Variants in STK32B observed in about 807,000 individuals in gnomAD.
STK32B encodes the protein serine/threonine-protein kinase 32B.
A neutral mutation model predicts 52.6 loss-of-function variants in STK32B; 43 were observed. The observed-to-expected ratio is 0.82, with a 90% CI of 0.64 to 1.05. STK32B has a LOEUF of 1.05. Ranked by LOEUF, STK32B falls within the 50% of genes least tolerant of loss-of-function variation. The probability of loss-of-function intolerance (pLI) is 0.00; values close to 1 mark genes in which losing one functional copy is unlikely to be tolerated. For missense variants in STK32B, 621 were observed against 534.6 expected (o/e 1.16, Z -1.59); for synonymous variants, 238 against 204.3 (o/e 1.17, Z -1.41).
At chr4:5,363,515 G>A (rs367563494) in intron 4 of STK32B, among the ~76,000 whole-genome samples, 408 of 152,264 alleles carry the variant, frequency 2.7e-3, no homozygotes, top group Non-Finnish European at 5.3e-3. Context: ...CTTGGTGCCA[G>A]GTTCATGTCT....
chr4:5,376,761 A>G (rs1208216840), intron 4 of STK32B, among the ~76,000 whole-genome samples: 1 of 152,112 alleles, frequency 6.6e-6, no homozygotes, highest in Non-Finnish European at 1.5e-5. Flanking sequence ...TGCCAAATAG[A>G]CAGGTCACCA....
At chr4:5,340,680 G>A (rs1377313232) in intron 4 of STK32B, among the ~76,000 whole-genome samples, 2 of 152,164 alleles carry the variant, frequency 1.3e-5, no homozygotes, top group African/African-American at 4.8e-5. Flanking sequence ...AATAACAACA[G>A]TGACAATGAA....
chr4:5,072,888 T>A (rs936953876), intron 1 of STK32B, among the ~76,000 whole-genome samples: 3 of 151,770 alleles, frequency 2.0e-5, no homozygotes, highest in African/African-American at 7.3e-5. Flanking sequence ...TCAAATTATG[T>A]TAATAATTAT....
At position 5,180,247 on chromosome 4, in the gene STK32B, C is replaced by T. The variant is rs532513694; in HGVS notation, c.260+11797C>T. Among the ~76,000 whole-genome samples the T allele has an allele frequency of 2.0e-5, 3 of 152,232 alleles. No homozygotes were observed. The East Asian group carries it at 5.8e-4, about 29-fold the overall frequency. On this transcript the variant is annotated intron_variant, in intron 3 of 11. Transcript: ENST00000282908. Reference sequence around the variant, plus strand: ...AACCATGTGATTTGCAATTCAGACTCAGACAGACTCACCATGTCCTAATGC... The same window carrying T: ...AACCATGTGATTTGCAATTCAGACTTAGACAGACTCACCATGTCCTAATGC...
intron 3 of STK32B, among the ~76,000 whole-genome samples, chr4:5,170,790 A>G (rs1261832358): frequency 2.0e-5 from 3 of 152,220 alleles, no homozygotes; most frequent in Non-Finnish European, 2.9e-5. Flanking sequence ...GTGTCTTTAT[A>G]GCAGCATGAT....
chr4:5,230,821 T>C (rs2369498), intron 3 of STK32B, among the ~76,000 whole-genome samples: 121,737 of 152,098 alleles, frequency 0.8, 48,799 homozygotes, highest in East Asian at 0.9. Context: ...CAGAAAATTT[T>C]CCCAGAACAA....
At chr4:5,120,183 C>T (rs115312449) in intron 1 of STK32B, among the ~76,000 whole-genome samples, 2,176 of 152,302 alleles carry the variant, frequency 0.014, 60 homozygotes, top group African/African-American at 0.048. Context: ...TAATCATTGA[C>T]GTAATCTGCT....
chr4:5,209,759 C>T (rs946056749), intron 3 of STK32B, among the ~76,000 whole-genome samples: 6 of 152,162 alleles, frequency 3.9e-5, no homozygotes, highest in African/African-American at 1.4e-4. Context: ...CATAAAGTGC[C>T]TGGGCCTAGG....
At chr4:5,052,407 A>G (rs1741827682) in intron 1 of STK32B, among the ~76,000 whole-genome samples, 1 of 152,090 alleles carries the variant, frequency 6.6e-6, no homozygotes, top group South Asian at 2.1e-4. Context: ...ATCACCCAGG[A>G]CAGAGGGAAA....
rs62299991 is a variant in STK32B at position 5,257,833 on chromosome 4, C to T, written c.261-73387C>T. Among the ~76,000 whole-genome samples the T allele has an allele frequency of 3.8e-3, 576 of 152,282 alleles. 2 individuals carry two copies. The highest frequency in any genetic ancestry group is 0.01 in the Middle Eastern group (3 of 294). Reference sequence around the variant, plus strand: ...CGGCATGGGCCTGTAATCCCAGCTACTCGGGAGGCTGATGTAGGAGAATAG... The same window carrying T: ...CGGCATGGGCCTGTAATCCCAGCTATTCGGGAGGCTGATGTAGGAGAATAG... On this transcript the variant is annotated intron_variant, in intron 3 of 11. Transcript: ENST00000282908.
At chr4:5,177,694 A>G (rs551094186) in intron 3 of STK32B, among the ~76,000 whole-genome samples, 1 of 152,362 alleles carries the variant, frequency 6.6e-6, no homozygotes, top group South Asian at 2.1e-4. Flanking sequence ...GGTATTAGGT[A>G]AATATACCCA....
At chr4:5,363,683 G>C (rs2109001944) in intron 4 of STK32B, among the ~76,000 whole-genome samples, 1 of 152,300 alleles carries the variant, frequency 6.6e-6, no homozygotes, top group South Asian at 2.1e-4. Flanking sequence ...TATGGGTGGA[G>C]AAAAGCATTT....
intron 1 of STK32B, chr4:5,139,527 A>G (rs948480785): frequency 1.7e-4 from 37 of 211,638 alleles, no homozygotes; most frequent in Non-Finnish European, 2.7e-4. Context: ...GAATTGAGAG[A>G]GTGAACAAGT....
At position 5,317,177 on chromosome 4, in the gene STK32B, A is replaced by AAT. The variant is rs531271530; in HGVS notation, c.261-14031_261-14030dup. ...TACATATTACATATATATAACATAT[A>AAT]ATATATATATATAACATATATATAT... is the stretch of plus-strand genomic sequence containing the variant. On this transcript the variant is annotated intron_variant, in intron 3 of 11. Transcript: ENST00000282908. Among the ~76,000 whole-genome samples, 46 of 46,542 alleles carry AAT rather than the reference A, an allele frequency of 9.9e-4. 5 individuals are homozygous for AAT. The East Asian group carries it at 0.017, about 17-fold the overall frequency. 30.5% of individuals were successfully genotyped at this position (46,542 alleles called of 152,430 possible).
chr4:5,060,592 A>ACACT (rs1553815827), intron 1 of STK32B, among the ~76,000 whole-genome samples: 4 of 124,550 alleles, frequency 3.2e-5, no homozygotes, highest in Non-Finnish European at 7.6e-5. Context: ...ATCATTGATT[A>ACACT]TACTTACGTA....
chr4:5,167,363 G>A (rs1193291375), intron 2 of STK32B, among the ~76,000 whole-genome samples: 1 of 152,210 alleles, frequency 6.6e-6, no homozygotes, highest in East Asian at 1.9e-4. Context: ...GGGATTCAGT[G>A]AGATGGTCAA....
At chr4:5,481,506 T>A (rs1003520965) in intron 11 of STK32B, among the ~76,000 whole-genome samples, 1 of 152,202 alleles carries the variant, frequency 6.6e-6, no homozygotes, top group African/African-American at 2.4e-5. Flanking sequence ...ATGAGTAGAT[T>A]GCAAAAATTT....
intron 3 of STK32B, among the ~76,000 whole-genome samples, chr4:5,251,281 C>T (rs1207827062): frequency 6.6e-6 from 1 of 152,096 alleles, no homozygotes; most frequent in Non-Finnish European, 1.5e-5. Flanking sequence ...GGAAAGGGTC[C>T]AGTTTTAATC....
At chr4:5,187,119 G>A (rs182904242) in intron 3 of STK32B, among the ~76,000 whole-genome samples, 40 of 152,286 alleles carry the variant, frequency 2.6e-4, no homozygotes, top group Non-Finnish European at 4.1e-4. Flanking sequence ...GAGGGAATCC[G>A]TCCAGTAGTC....
Sources: allele counts gnomAD v4.1 joint callset (sites outside exome capture counted in the v4.1 genomes callset), GRCh38; gene constraint gnomAD v4.1.1; transcripts MANE v1.5; gene names NCBI Gene and HGNC (gene_info 2026-07-23, HGNC 2026-07-21).